The following DRD2 variants were observed in gnomAD, a reference collection of about 807,000 sequenced individuals.
The protein encoded by DRD2 is dopamine receptor D2.
Under a neutral mutation model 38.0 loss-of-function variants are expected in DRD2, and 8 were observed. The ratio of observed to expected loss-of-function variants is 0.21; its 90% CI spans 0.12 to 0.38. The LOEUF is 0.38. Among genes scored for constraint, DRD2 ranks in the 10% least tolerant of loss-of-function variants. The pLI is 1.00. For synonymous variants in DRD2, 230 were observed against 238.6 expected (o/e 0.96, Z 0.33); for missense variants, 403 against 607.7 (o/e 0.66, Z 3.54).
At chr11:113,445,623 A>G (rs898642145) in intron 1 of DRD2, among the ~76,000 whole-genome samples, 6 of 152,224 alleles carry the variant, frequency 3.9e-5, no homozygotes, top group Non-Finnish European at 7.3e-5. Context: ...TATCTGTCCC[A>G]CATGGTGCTG....
In DRD2 at chr11:113,414,388, T is replaced by A; in HGVS notation, c.797A>T (p.Asn266Ile). 1 of 1,614,190 alleles carries A rather than the reference T, an allele frequency of 6.2e-7. No individual in the cohort carries two copies. Among genetic ancestry groups the A allele is most frequent in the East Asian group, 2.2e-5 (1 of 44,872 alleles). The part of the protein sequence containing the change: ...IMKSNGSFPV[N>I]RRRVEAARRA... ...CTGAGCACTTACCACTCTCCGCCTG[T>A]TCACTGGGAAACTCCCATTAGACTT... The change falls in exon 6 of 8, where the codon AAC (asparagine) becomes ATC (isoleucine). Residue 266 changes from asparagine (N) to isoleucine (I), a missense_variant. This residue lies in a region of DRD2 where 166 missense variants were observed against 178.6 expected (regional missense o/e 0.93). Coordinates refer to ENST00000362072, the MANE Select transcript of DRD2 (RefSeq NM_000795.4).
At chr11:113,412,197 C>T in intron 7 of DRD2, 2 of 349,992 alleles carry the variant, frequency 5.7e-6, no homozygotes, top group South Asian at 3.1e-5. Context: ...AAGTAACCTA[C>T]TCTACAGATG....
rs747580236 is a variant in DRD2 at position 113,424,097 on chromosome 11, G to A, written c.285+270C>T. 4.6e-5 allele frequency among the ~76,000 whole-genome samples: 7 copies of A among 152,196 alleles called. 1 individual carries two copies. The highest frequency in any genetic ancestry group is 4.1e-4 in the South Asian group (2 of 4,832). On this transcript the variant is annotated intron_variant, in intron 2 of 7. Transcript: ENST00000362072. Reference sequence around the variant, plus strand: ...TGGCAATAATGCCAGCCTCTAAGCTGCTGTGAGGGTTATATAGGAAAATGC... The same window carrying A: ...TGGCAATAATGCCAGCCTCTAAGCTACTGTGAGGGTTATATAGGAAAATGC...
chr11:113,459,325 T>C (rs1951295262), intron 1 of DRD2, among the ~76,000 whole-genome samples: 1 of 152,232 alleles, frequency 6.6e-6, no homozygotes, highest in Admixed American at 6.5e-5. Context: ...AAGCAAGGTT[T>C]GTCACCCCCA....
chr11:113,424,691 G>GAAAAATGGACAC lies in DRD2; in HGVS notation c.-31-21_-31-10dup. 1 of 1,612,796 alleles carries GAAAAATGGACAC rather than the reference G, an allele frequency of 6.2e-7. No individual in the cohort carries two copies. The highest frequency in any genetic ancestry group is 1.1e-5 in the South Asian group (1 of 91,040). On this transcript the variant is annotated splice_polypyrimidine_tract_variant and intron_variant, in intron 1 of 7. Transcript: ENST00000362072. ...CACTGGGTGGCCAGGCTCTGGCCAG[G>GAAAAATGGACAC]AAAAATGGACACAAGGTGTCAGTGA...
At chr11:113,455,427 TCA>T (rs1289277771) in intron 1 of DRD2, among the ~76,000 whole-genome samples, 2 of 152,100 alleles carry the variant, frequency 1.3e-5, no homozygotes, top group African/African-American at 4.8e-5. Flanking sequence ...GACCCCAAAA[TCA>T]CAGTCTACAA....
chr11:113,414,731 C>T (rs539963689), intron 5 of DRD2, among the ~76,000 whole-genome samples: 29 of 152,336 alleles, frequency 1.9e-4, no homozygotes, highest in African/African-American at 2.6e-4. Flanking sequence ...TCCCTTCTCA[C>T]GTGGAATCCT....
intron 4 of DRD2, among the ~76,000 whole-genome samples, 194 bp from the exon 5 acceptor site, chr11:113,415,805 G>A (rs1297559452): frequency 1.3e-5 from 2 of 152,086 alleles, no homozygotes; most frequent in East Asian, 1.9e-4. Context: ...TTAAAAACAC[G>A]GTTGTGAGCA....
At chr11:113,464,309 C>T (rs1470216374) in intron 1 of DRD2, among the ~76,000 whole-genome samples, 2 of 152,160 alleles carry the variant, frequency 1.3e-5, no homozygotes, top group East Asian at 1.9e-4. Flanking sequence ...TGCGGCCCTT[C>T]CAGGAAAGTG....
chr11:113,473,566 C>A (rs1480453027), intron 1 of DRD2, among the ~76,000 whole-genome samples: 4 of 152,192 alleles, frequency 2.6e-5, no homozygotes, highest in Admixed American at 2.6e-4. Flanking sequence ...CTGGGACTAC[C>A]CTGGCCCTCA....
intron 1 of DRD2, among the ~76,000 whole-genome samples, chr11:113,427,807 C>G (rs1420441099): frequency 6.6e-6 from 1 of 152,160 alleles, no homozygotes; most frequent in Non-Finnish European, 1.5e-5. Flanking sequence ...GAAGTCCTAA[C>G]CCCCAGTACC....
At chr11:113,444,631 TCC>T (rs1951126583) in intron 1 of DRD2, among the ~76,000 whole-genome samples, 3 of 152,208 alleles carry the variant, frequency 2.0e-5, no homozygotes, top group Admixed American at 2.0e-4. Flanking sequence ...TCTTTTACAC[TCC>T]ATGGGCCATC....
intron 1 of DRD2, among the ~76,000 whole-genome samples, chr11:113,448,267 T>G (rs2119889892): frequency 6.6e-6 from 1 of 152,038 alleles, no homozygotes; most frequent in East Asian, 1.9e-4. Flanking sequence ...CCCAGAGCAA[T>G]GGGTAAGGGG....
At chr11:113,420,367 C>G (rs1393386850) in intron 2 of DRD2, among the ~76,000 whole-genome samples, 1 of 152,212 alleles carries the variant, frequency 6.6e-6, no homozygotes, top group African/African-American at 2.4e-5. Context: ...CTATCTGGAG[C>G]CCAGAATAAC....
chr11:113,460,358 CAG>C (rs558188332), intron 1 of DRD2, among the ~76,000 whole-genome samples: 3 of 152,362 alleles, frequency 2.0e-5, no homozygotes, highest in African/African-American at 7.2e-5. Context: ...TGGGGATACT[CAG>C]GTGGGCAGAC....
intron 4 of DRD2, 48 bp from the exon 5 acceptor site, chr11:113,415,659 G>A: frequency 6.4e-7 from 1 of 1,565,662 alleles, no homozygotes; most frequent in Non-Finnish European, 8.7e-7. Flanking sequence ...GGGCCCACCG[G>A]CCATAATTCC....
chr11:113,447,493 G>GAGAA (rs1269589096), intron 1 of DRD2: 1 of 150,406 alleles, frequency 6.6e-6, no homozygotes, highest in Non-Finnish European at 1.5e-5. Flanking sequence ...AAAAAAAGGA[G>GAGAA]AGAAAGAAAG....
chr11:113,430,695 C>T (rs928117551), intron 1 of DRD2, among the ~76,000 whole-genome samples: 4 of 152,188 alleles, frequency 2.6e-5, no homozygotes, highest in Non-Finnish European at 4.4e-5. Flanking sequence ...TCCATCCTGG[C>T]TGGAGCTTGT....
intron 1 of DRD2, among the ~76,000 whole-genome samples, chr11:113,461,841 A>G (rs1043090049): frequency 3.3e-5 from 5 of 152,124 alleles, no homozygotes; most frequent in Non-Finnish European, 7.4e-5. Context: ...CCTCACGGGG[A>G]GCAATTCCTG....
Sources: allele counts gnomAD v4.1 joint callset (sites outside exome capture counted in the v4.1 genomes callset), GRCh38; gene constraint gnomAD v4.1.1; regional missense constraint gnomAD v4.1.1; transcripts MANE v1.5; gene names NCBI Gene and HGNC (gene_info 2026-07-23, HGNC 2026-07-21).